Variants in SEH1L observed in about 807,000 individuals in gnomAD.
SEH1L encodes the protein SEH1 like nucleoporin, also known as nucleoporin SEH1.
Under a neutral mutation model 49.5 loss-of-function variants are expected in SEH1L, and 18 were observed. The ratio of observed to expected loss-of-function variants is 0.36; its 90% CI spans 0.25 to 0.54. The LOEUF is 0.54. Among genes scored for constraint, SEH1L ranks in the 20% least tolerant of loss-of-function variants. The pLI is 0.87. For missense variants in SEH1L, 404 were observed against 528.8 expected (o/e 0.76, Z 2.31); for synonymous variants, 169 against 178.1 (o/e 0.95, Z 0.41).
At chr18:12,974,295 C>G (rs1237399673) in intron 5 of SEH1L, 1 of 149,772 alleles carries the variant, frequency 6.7e-6, no homozygotes. Flanking sequence ...CTTTTTTTTT[C>G]TTTGAGATGG....
chr18:12,979,624 C>T (rs2032079989), intron 6 of SEH1L, among the ~76,000 whole-genome samples: 1 of 151,754 alleles, frequency 6.6e-6, no homozygotes, highest in South Asian at 2.1e-4. Context: ...AGAGGGGCTC[C>T]TCACTTCCCA....
chr18:12,964,462 A>AT (rs1332183910), intron 4 of SEH1L: 7 of 152,148 alleles, frequency 4.6e-5, no homozygotes, highest in African/African-American at 1.7e-4. Context: ...GAAAAGATGA[A>AT]TAGAGCACAT....
At chr18:12,983,671 C>G (rs558494068) in intron 7 of SEH1L, among the ~76,000 whole-genome samples, 1 of 152,306 alleles carries the variant, frequency 6.6e-6, no homozygotes, top group East Asian at 1.9e-4. Flanking sequence ...AAGAAGACAA[C>G]TTCATTACCT....
chr18:12,955,404 A>T (rs2030787217), intron 2 of SEH1L, 59 bp from the exon 3 acceptor site: 1 of 1,510,282 alleles, frequency 6.6e-7, no homozygotes, highest in Admixed American at 2.1e-5. Context: ...TATTTAGGAA[A>T]AAAGAAGCCC....
intron 4 of SEH1L, among the ~76,000 whole-genome samples, chr18:12,965,234 G>C (rs746261315): frequency 3.3e-5 from 5 of 151,880 alleles, no homozygotes; most frequent in African/African-American, 1.2e-4. Context: ...GGATGGTCTC[G>C]ATCTCCTGAC....
intron 2 of SEH1L, among the ~76,000 whole-genome samples, chr18:12,955,235 G>A (rs12970503): frequency 0.37 from 54,541 of 146,268 alleles, 9,558 homozygotes; most frequent in Middle Eastern, 0.46. Context: ...GACTTCAGAA[G>A]CATTACAATC....
intron 6 of SEH1L, among the ~76,000 whole-genome samples, chr18:12,981,307 C>A (rs1294882035): frequency 1.3e-5 from 2 of 152,198 alleles, no homozygotes; most frequent in Admixed American, 6.5e-5. Context: ...GGGGTGGCGG[C>A]CGGGCAGAGG....
At chr18:12,986,503 A>G in intron 8 of SEH1L, 1 of 985,064 alleles carries the variant, frequency 1.0e-6, no homozygotes, top group Non-Finnish European at 1.2e-6. Flanking sequence ...CTAGATCTGT[A>G]AATGTACAGA....
chr18:12,977,803 T>C (rs1290437498), intron 5 of SEH1L: 2 of 152,236 alleles, frequency 1.3e-5, no homozygotes, highest in Non-Finnish European at 2.9e-5. Flanking sequence ...CTAAGAAAGA[T>C]GTTAGTGGCT....
At position 12,983,911 on chromosome 18, in the gene SEH1L, T is replaced by C. The variant is rs1241623729; in HGVS notation, c.920-129T>C. The C allele has an allele frequency of 6.8e-6, 4 of 590,146 alleles. No individual in the cohort carries two copies. The Admixed American group carries it at 1.0e-4, about 15-fold the overall frequency. The allele number at this position is 590,146 out of a possible 1,614,324, so 36.6% of individuals were successfully genotyped here. A position where few individuals can be genotyped will look rare whatever the true frequency, so the allele number is the denominator to read the frequency against. On this transcript the variant is annotated intron_variant, in intron 7 of 8. Transcript: ENST00000399892. ...ATTTAAAAAGTGTCTTTAATGTTTA[T>C]CCTGAAAGAAATGTAGCTCATAGCC...
rs1282459432 is a variant in SEH1L at position 12,978,578 on chromosome 18, C to T, written c.621-174C>T. 8.1e-6 allele frequency: 4 copies of T among 495,034 alleles called. No homozygotes were observed. In the East Asian group the frequency reaches 1.2e-4, roughly 15 times the overall value. 30.7% of individuals were successfully genotyped at this position (495,034 alleles called of 1,614,324 possible). ...CTATTTTTGAATAAGGTCACATTCA[C>T]AGGGTCTGGGGGTCAGGACTTGGAC... On this transcript the variant is annotated intron_variant, in intron 5 of 8. Coordinates refer to ENST00000399892, the MANE Select transcript of SEH1L (RefSeq NM_001013437.2).
chr18:12,975,956 T>C lies in SEH1L; in HGVS notation c.621-2796T>C, dbSNP rs183084167. ...TGGGGACTGAGCAAAGAGGAGTGAA[T>C]GTGGTAAGCACAATTTATTTCAGAC... On this transcript the variant is annotated intron_variant, in intron 5 of 8. Coordinates refer to ENST00000399892, the MANE Select transcript of SEH1L (RefSeq NM_001013437.2). 58 of 794,174 alleles carry C rather than the reference T, an allele frequency of 7.3e-5. No homozygotes were observed. In the East Asian group the frequency reaches 6.4e-3, roughly 88 times the overall value. 49.2% of individuals were successfully genotyped at this position (794,174 alleles called of 1,614,324 possible). A position where few individuals can be genotyped will look rare whatever the true frequency, so the allele number is the denominator to read the frequency against.
At chr18:12,979,879 C>T (rs2032106518) in intron 6 of SEH1L, among the ~76,000 whole-genome samples, 1 of 140,850 alleles carries the variant, frequency 7.1e-6, no homozygotes, top group African/African-American at 2.7e-5. Context: ...GGGGGCTGAC[C>T]CCCCCACCTC....
intron 4 of SEH1L, among the ~76,000 whole-genome samples, chr18:12,967,150 A>G (rs1432590717): frequency 6.6e-6 from 1 of 152,266 alleles, no homozygotes; most frequent in Non-Finnish European, 1.5e-5. Flanking sequence ...TGAACACTGA[A>G]TTAGCTAATA....
intron 1 of SEH1L, among the ~76,000 whole-genome samples, chr18:12,949,335 A>G (rs1199213284): frequency 6.6e-6 from 1 of 151,722 alleles, no homozygotes; most frequent in African/African-American, 2.4e-5. Flanking sequence ...GTTTGATACC[A>G]GTGATCTCTC....
Position 12,948,105 on chromosome 18 carries a change from C to G in SEH1L, c.-17C>G, listed in dbSNP as rs776580049. Reference sequence around the variant, plus strand: ...GCCGCCACTGTCCTCTTCGGAGGCGCGGGCCCGACGGAAACCATGTTTGTG... The same window carrying G: ...GCCGCCACTGTCCTCTTCGGAGGCGGGGGCCCGACGGAAACCATGTTTGTG... On this transcript the variant is annotated 5_prime_UTR_variant, in exon 1 of 9. Coordinates refer to ENST00000399892, the MANE Select transcript of SEH1L (RefSeq NM_001013437.2). 2 of 1,598,302 alleles carry G rather than the reference C, an allele frequency of 1.3e-6. No individual in the cohort carries two copies. Among genetic ancestry groups the G allele is most frequent in the Non-Finnish European group, 1.7e-6 (2 of 1,169,292 alleles).
At chr18:12,985,452 C>A in intron 8 of SEH1L, 1 of 1,281,122 alleles carries the variant, frequency 7.8e-7, no homozygotes, top group South Asian at 2.7e-5. Flanking sequence ...TTTATTGACA[C>A]TATTTGAAAC....
At chr18:12,961,169 G>A (rs1418845798) in intron 3 of SEH1L, among the ~76,000 whole-genome samples, 2 of 152,172 alleles carry the variant, frequency 1.3e-5, no homozygotes, top group Non-Finnish European at 2.9e-5. Flanking sequence ...GAGTTGCGCA[G>A]ATGCTCACTT....
chr18:12,950,021 TTTTTTTC>T (rs1286972019), intron 1 of SEH1L, among the ~76,000 whole-genome samples: 2 of 152,084 alleles, frequency 1.3e-5, no homozygotes, highest in African/African-American at 2.4e-5. Context: ...AGTATAATTT[TTTTTTTC>T]TTTTTTCTTT....
Sources: gnomAD v4.1 joint callset for allele counts (sites outside exome capture counted in the v4.1 genomes callset) on GRCh38, gnomAD v4.1.1 for gene constraint, MANE v1.5 for transcripts, NCBI Gene and HGNC (gene_info 2026-07-23, HGNC 2026-07-21) for gene names.